PUDP: variants seen among roughly 807,000 people sequenced by gnomAD.
PUDP encodes the protein pseudouridine-5'-phosphatase.
PUDP carries 8 observed loss-of-function variants against 9.4 expected under a neutral mutation model. The ratio of observed to expected loss-of-function variants is 0.85; its 90% CI spans 0.50 to 1.53. The LOEUF is 1.53. Among genes scored for constraint, PUDP ranks in the 40% most tolerant of loss-of-function variants. The probability of loss-of-function intolerance (pLI) is 0.00; values close to 1 mark genes in which losing one functional copy is unlikely to be tolerated. For synonymous variants in PUDP, 99 were observed against 80.7 expected (o/e 1.23, Z -1.22); for missense variants, 188 against 189.7 (o/e 0.99, Z 0.05).
At chrX:7,063,721 G>A (rs764102994) in intron 3 of PUDP, among the ~76,000 whole-genome samples, 1 of 111,837 alleles carries the variant, frequency 8.9e-6, no homozygotes, top group Non-Finnish European at 1.9e-5. Context: ...ACAGCTCACT[G>A]CAGCCTTGAC....
intron 3 of PUDP, among the ~76,000 whole-genome samples, chrX:6,887,862 G>A (rs972207191): frequency 2.7e-5 from 3 of 111,550 alleles, no homozygotes; most frequent in Admixed American, 9.6e-5. Context: ...AGTGTGGAAA[G>A]AGGGCTTGCC....
intron 3 of PUDP, among the ~76,000 whole-genome samples, chrX:6,915,908 G>A (rs1234349923): frequency 9.0e-6 from 1 of 110,634 alleles, no homozygotes; most frequent in Admixed American, 9.7e-5. Flanking sequence ...AGTCTCTGGG[G>A]CAGCAAATAT....
At chrX:6,925,220 C>T (rs772917136) in intron 3 of PUDP, among the ~76,000 whole-genome samples, 6 of 111,989 alleles carry the variant, frequency 5.4e-5, no homozygotes, top group South Asian at 3.7e-4. Flanking sequence ...GAGGCTGAGG[C>T]AGGAGAATCG....
At chrX:6,838,151 G>A (rs2146716215) in intron 3 of PUDP, among the ~76,000 whole-genome samples, 1 of 112,567 alleles carries the variant, frequency 8.9e-6, no homozygotes, top group South Asian at 3.7e-4. Context: ...GGATGTGTTA[G>A]CTACATACAA....
At chrX:6,722,450 A>AT, upstream of PUDP, among the ~76,000 whole-genome samples, 1 of 111,076 alleles carries the variant, frequency 9.0e-6, no homozygotes, top group Non-Finnish European at 1.9e-5. Flanking sequence ...CTCAAAAAAA[A>AT]AAAAATCTAA....
At chrX:6,843,927 T>A (rs967602414) in intron 3 of PUDP, among the ~76,000 whole-genome samples, 6 of 112,873 alleles carry the variant, frequency 5.3e-5, no homozygotes, top group Admixed American at 1.9e-4. Context: ...CATAAAATTT[T>A]AACCTTACAG....
At chrX:6,863,394 A>T (rs1329509349) in intron 3 of PUDP, among the ~76,000 whole-genome samples, 1 of 112,312 alleles carries the variant, frequency 8.9e-6, no homozygotes, top group South Asian at 3.7e-4. Context: ...GAGATATCAG[A>T]TTGTAAATTG....
intron 1 of PUDP, chrX:6,989,416 G>A (rs1415128000): frequency 5.2e-5 from 8 of 154,798 alleles, no homozygotes; most frequent in Non-Finnish European, 9.4e-5. Context: ...CAAGACCCAG[G>A]ATAAGGAAGG....
At chrX:6,719,685 T>G (rs1006482716) in intron 1 of PUDP, among the ~76,000 whole-genome samples, 4 of 111,969 alleles carry the variant, frequency 3.6e-5, no homozygotes, top group African/African-American at 1.3e-4. Context: ...TGTCCACCTC[T>G]CCAAAAGTCC....
intron 3 of PUDP, among the ~76,000 whole-genome samples, chrX:6,749,372 T>C (rs1368134221): frequency 9.0e-6 from 1 of 111,159 alleles, no homozygotes; most frequent in Non-Finnish European, 1.9e-5. Flanking sequence ...AGTATATGGT[T>C]CGATTGATCT....
intron 3 of PUDP, among the ~76,000 whole-genome samples, chrX:6,803,696 T>C (rs746587558): frequency 4.5e-5 from 5 of 111,960 alleles, no homozygotes; most frequent in Non-Finnish European, 5.6e-5. Flanking sequence ...ATTTCCTCAG[T>C]AGTGAAGAAA....
At chrX:6,913,726 C>T (rs1434735012) in intron 3 of PUDP, among the ~76,000 whole-genome samples, 1 of 111,649 alleles carries the variant, frequency 9.0e-6, no homozygotes, top group African/African-American at 3.3e-5. Flanking sequence ...GCACGTCACT[C>T]TAACTTCAAA....
intron 1 of PUDP, among the ~76,000 whole-genome samples, chrX:7,002,633 C>T (rs1284969463): frequency 1.8e-5 from 2 of 111,070 alleles, no homozygotes; most frequent in African/African-American, 3.3e-5. Context: ...GGGTGTCTGA[C>T]CTATTTCTGG....
chrX:6,725,533 A>T (rs138078296), upstream of PUDP, among the ~76,000 whole-genome samples: 904 of 111,797 alleles, frequency 8.1e-3, 34 homozygotes, highest in Admixed American at 0.075. Context: ...ACCATGGTGT[A>T]TATATAACAC....
chrX:6,837,102 G>A (rs1926594773), intron 3 of PUDP, among the ~76,000 whole-genome samples: 1 of 112,335 alleles, frequency 8.9e-6, no homozygotes, highest in Non-Finnish European at 1.9e-5. Flanking sequence ...GTTTCAACAG[G>A]AACATGCATA....
intron 3 of PUDP, among the ~76,000 whole-genome samples, chrX:6,880,335 T>C (rs2146739343): frequency 9.0e-6 from 1 of 111,099 alleles, no homozygotes; most frequent in East Asian, 2.8e-4. Flanking sequence ...CTCCCACTTA[T>C]GAGTGAGAAC....
chrX:6,844,671 G>C (rs1374823832), intron 3 of PUDP, among the ~76,000 whole-genome samples: 18 of 112,585 alleles, frequency 1.6e-4, no homozygotes, highest in African/African-American at 5.8e-4. Context: ...TATAGATATG[G>C]AGATATACAA....
chrX:6,969,930 C>T (rs1238532497), intron 3 of PUDP, among the ~76,000 whole-genome samples: 1 of 112,243 alleles, frequency 8.9e-6, no homozygotes, highest in Non-Finnish European at 1.9e-5. Flanking sequence ...AAAGTTTATA[C>T]AGTAATTGCT....
In PUDP at chrX:6,865,999, C is replaced by A. The variant is rs143063867; in HGVS notation, c.*247+111134G>T. On this transcript the variant is annotated intron_variant and NMD_transcript_variant, in intron 3 of 3. Coordinates refer to the PUDP transcript ENST00000655425. Reference sequence around the variant, plus strand: ...ACAGTGGCACAGGCGTAGTTCACTGCAGCCTCAAACTCACAGTCTCAAGCA... The same window carrying A: ...ACAGTGGCACAGGCGTAGTTCACTGAAGCCTCAAACTCACAGTCTCAAGCA... 4.2e-3 allele frequency among the ~76,000 whole-genome samples: 475 copies of A among 111,768 alleles called. 4 individuals carry two copies. The highest frequency in any genetic ancestry group is 0.015 in the African/African-American group (449 of 30,740).
Sources: gnomAD v4.1 joint callset for allele counts (sites outside exome capture counted in the v4.1 genomes callset) on GRCh38, gnomAD v4.1.1 for gene constraint, MANE v1.5 for transcripts, NCBI Gene and HGNC (gene_info 2026-07-23, HGNC 2026-07-21) for gene names.